LRRC49: variants seen among roughly 807,000 people sequenced by gnomAD.
The protein encoded by LRRC49 is leucine-rich repeat-containing protein 49.
In LRRC49, 50 loss-of-function variants were observed where a neutral mutation model predicts 83.3. That is an observed-to-expected ratio of 0.60 (90% CI 0.48 to 0.76). The LOEUF (loss-of-function observed/expected upper bound fraction) is 0.76. LRRC49 is among the 30% of genes least tolerant of loss of function. LRRC49 has a pLI of 0.00. For synonymous variants in LRRC49, 286 were observed against 283.3 expected (o/e 1.01, Z -0.10); for missense variants, 704 against 809.1 (o/e 0.87, Z 1.58).
chr15:70,871,032 T>C (rs1008320870), intron 1 of LRRC49, among the ~76,000 whole-genome samples: 1 of 150,640 alleles, frequency 6.6e-6, no homozygotes, highest in African/African-American at 2.5e-5. Flanking sequence ...AGGACAATAG[T>C]GGAGCGAAGG....
intron 2 of LRRC49, among the ~76,000 whole-genome samples, chr15:70,883,842 G>A (rs2033332382): frequency 1.3e-5 from 2 of 150,794 alleles, no homozygotes; most frequent in Admixed American, 6.6e-5. Flanking sequence ...TTTTAGTAGA[G>A]ACAATGTTTC....
intron 2 of LRRC49, among the ~76,000 whole-genome samples, chr15:70,878,376 C>T (rs2033196366): frequency 6.6e-6 from 1 of 152,140 alleles, no homozygotes; most frequent in Admixed American, 6.5e-5. Context: ...AAAAGGACAA[C>T]CTTATTTCCT....
Position 71,009,896 on chromosome 15 carries a change from T to C in LRRC49, c.1497T>C (p.Asp499=). ...GTCGTATTGACCAGTTGACAATTGA[T>C]CCTCAAGGAAATCCAGTTGTCAATT... ...QLRRIDQLTI[D]PQGNPVVNFT... The change falls in exon 13 of 16, where the codon GAT becomes GAC. Residue 499 remains aspartate, a synonymous_variant. Coordinates refer to ENST00000260382, the MANE Select transcript of LRRC49 (RefSeq NM_017691.5). The C allele has an allele frequency of 6.2e-7, 1 of 1,612,116 alleles. No homozygotes were observed. The highest frequency in any genetic ancestry group is 8.5e-7 in the Non-Finnish European group (1 of 1,178,454).
chr15:70,913,769 G>A lies in LRRC49; in HGVS notation c.567+2171G>A, dbSNP rs1242417953. ...GTATTTTTCTTGTTTATTTTAAAGT[G>A]TATACATGAGAAATAATAAACATAT... On this transcript the variant is annotated intron_variant, in intron 6 of 15. Transcript: ENST00000260382. Among the ~76,000 whole-genome samples the A allele has an allele frequency of 3.9e-5, 6 of 152,052 alleles. No homozygotes were observed. The East Asian group carries it at 5.8e-4, about 15-fold the overall frequency.
intron 11 of LRRC49, among the ~76,000 whole-genome samples, chr15:70,998,925 C>G (rs1253133667): frequency 1.3e-5 from 2 of 152,118 alleles, no homozygotes; most frequent in African/African-American, 4.8e-5. Context: ...ATTGACCTAT[C>G]TAAGTTTACT....
upstream of LRRC49, chr15:70,891,793 C>A: frequency 6.9e-7 from 1 of 1,452,708 alleles, no homozygotes; most frequent in Non-Finnish European, 9.1e-7. Flanking sequence ...AGTGGAGGAG[C>A]CCAGCCAGAG....
chr15:70,866,643 G>A (rs1407748100), intron 1 of LRRC49, among the ~76,000 whole-genome samples: 1 of 152,032 alleles, frequency 6.6e-6, no homozygotes, highest in Non-Finnish European at 1.5e-5. Context: ...AAGTCCTCAG[G>A]GTCTTCATGC....
At chr15:70,937,635 A>G (rs1453493647) in intron 8 of LRRC49, among the ~76,000 whole-genome samples, 1 of 152,086 alleles carries the variant, frequency 6.6e-6, no homozygotes, top group Non-Finnish European at 1.5e-5. Flanking sequence ...CTGTATTAAA[A>G]ACTAGTTTAA....
At chr15:70,963,518 T>C (rs1394180087) in intron 8 of LRRC49, among the ~76,000 whole-genome samples, 1 of 151,950 alleles carries the variant, frequency 6.6e-6, no homozygotes, top group African/African-American at 2.4e-5. Context: ...AAAAGGACAT[T>C]AGGTAAAAAC....
chr15:71,026,723 G>T (rs1475849136), intron 14 of LRRC49, among the ~76,000 whole-genome samples: 1 of 152,008 alleles, frequency 6.6e-6, no homozygotes. Context: ...GTGTTTGTTG[G>T]CCACATAAAT....
At chr15:70,965,210 C>T (rs953101897) in intron 9 of LRRC49, among the ~76,000 whole-genome samples, 4 of 152,072 alleles carry the variant, frequency 2.6e-5, no homozygotes, top group Admixed American at 6.6e-5. Flanking sequence ...AGAGCTAACT[C>T]GTTTATATAA....
At position 71,049,440 on chromosome 15, in the gene LRRC49, C is replaced by A; in HGVS notation, c.1889C>A (p.Thr630Lys). ...EIKEKKKFCK[T>K]YIEDLVKEAT... Reference sequence around the variant, plus strand: ...AAGGAAAAGAAGAAATTCTGTAAAACATATATAGAAGACCTTGTGAAGGAA... The same window carrying A: ...AAGGAAAAGAAGAAATTCTGTAAAAAATATATAGAAGACCTTGTGAAGGAA... Residue 630 changes from threonine (T) to lysine (K), a missense_variant, in exon 16 of 16, where the codon ACA (threonine) becomes AAA (lysine). Transcript: ENST00000260382. 1 of 1,606,548 alleles carries A rather than the reference C, an allele frequency of 6.2e-7. No individual in the cohort carries two copies. Among genetic ancestry groups the A allele is most frequent in the Non-Finnish European group, 8.5e-7 (1 of 1,176,430 alleles).
chr15:70,995,011 A>G (rs948549251), intron 11 of LRRC49, among the ~76,000 whole-genome samples: 26 of 152,216 alleles, frequency 1.7e-4, no homozygotes, highest in African/African-American at 5.8e-4. Context: ...AATTATAGCA[A>G]CTTTAGCCTG....
In LRRC49 at chr15:70,984,232, C is replaced by G. The variant is rs1163887273; in HGVS notation, c.1144C>G (p.Leu382Val). The change falls in exon 11 of 16, where the codon CTC (leucine) becomes GTC (valine). Residue 382 changes from leucine (L) to valine (V), a missense_variant. Coordinates refer to ENST00000260382, the MANE Select transcript of LRRC49 (RefSeq NM_017691.5). ...CCCCTGTCAGATTGATGGAAGCACC[C>G]TCTCTGCATTCCCAGAGGAAACAGG... The part of the protein sequence containing the change: ...QDPCQIDGST[L>V]SAFPEETGPL... 6.2e-7 allele frequency: 1 copy of G among 1,612,506 alleles called. No individual in the cohort carries two copies. Among genetic ancestry groups the G allele is most frequent in the Admixed American group, 1.7e-5 (1 of 59,884 alleles).
chr15:70,982,532 G>GT (rs779860973), intron 10 of LRRC49, among the ~76,000 whole-genome samples: 15 of 152,262 alleles, frequency 9.9e-5, no homozygotes, highest in Admixed American at 7.9e-4. Context: ...AGTCTCCAAA[G>GT]TATATACATA....
At chr15:70,961,534 T>C (rs1011588821) in intron 8 of LRRC49, among the ~76,000 whole-genome samples, 24 of 152,324 alleles carry the variant, frequency 1.6e-4, no homozygotes, top group Middle Eastern at 3.4e-3. Flanking sequence ...AAAGAAGCTA[T>C]GGTATATCCA....
At chr15:71,039,330 A>G (rs2039626738) in intron 15 of LRRC49, among the ~76,000 whole-genome samples, 2 of 152,182 alleles carry the variant, frequency 1.3e-5, no homozygotes, top group South Asian at 4.1e-4. Flanking sequence ...TGTTGCCAAA[A>G]GAAGAAAATG....
chr15:70,940,756 T>C (rs1359491924), intron 8 of LRRC49, among the ~76,000 whole-genome samples: 1 of 152,218 alleles, frequency 6.6e-6, no homozygotes, highest in Non-Finnish European at 1.5e-5. Flanking sequence ...CAAATCTTCT[T>C]ACTGAGTTAA....
intron 2 of LRRC49, among the ~76,000 whole-genome samples, chr15:70,884,584 G>C (rs1013232938): frequency 6.6e-6 from 1 of 151,596 alleles, no homozygotes; most frequent in Non-Finnish European, 1.5e-5. Flanking sequence ...AAATTCCTGT[G>C]AAGAGTCCCT....
Sources: gnomAD v4.1 joint callset for allele counts (sites outside exome capture counted in the v4.1 genomes callset) on GRCh38, gnomAD v4.1.1 for gene constraint, MANE v1.5 for transcripts, NCBI Gene and HGNC (gene_info 2026-07-23, HGNC 2026-07-21) for gene names.